Variants in NTN1 observed in about 807,000 individuals in gnomAD.
NTN1 encodes netrin 1.
Under a neutral mutation model 54.2 loss-of-function variants are expected in NTN1, and 11 were observed. The observed-to-expected ratio is 0.20, with a 90% CI of 0.13 to 0.34. NTN1 has a LOEUF of 0.34. Ranked by LOEUF, NTN1 falls within the 10% of genes least tolerant of loss-of-function variation. NTN1 has a pLI of 1.00. For synonymous variants in NTN1, 371 were observed against 382.0 expected, an observed-to-expected ratio of 0.97 and a Z score of 0.33; for missense variants, 740 against 893.1, an observed-to-expected ratio of 0.83 and a Z score of 2.18.
rs555948259 is a variant in NTN1 at position 9,087,602 on chromosome 17, A to G, written c.1018+64211A>G. Among the ~76,000 whole-genome samples the G allele has an allele frequency of 3.3e-5, 5 of 152,212 alleles. No homozygotes were observed. The East Asian group carries it at 9.7e-4, about 29-fold the overall frequency. ...TTTGGTGTAGGAGTTTGAAGCATTC[A>G]TTGCTCCCACATACCAGAGTCCTGG... On this transcript the variant is annotated intron_variant, in intron 2 of 6. Coordinates refer to ENST00000173229, the MANE Select transcript of NTN1 (RefSeq NM_004822.3).
chr17:9,171,883 CTTTTT>C (rs11429901), intron 3 of NTN1: 4 of 101,612 alleles, frequency 3.9e-5, no homozygotes, highest in South Asian at 3.8e-4. Flanking sequence ...ATCAGGCTCA[CTTTTT>C]TTTTTTTTTT....
At chr17:9,238,423 G>A (rs982598880) in intron 6 of NTN1, among the ~76,000 whole-genome samples, 8 of 152,126 alleles carry the variant, frequency 5.3e-5, no homozygotes, top group African/African-American at 1.7e-4. Flanking sequence ...AAGACAGTGC[G>A]GGGCAGGGGA....
At chr17:9,168,302 G>A (rs1419395890) in intron 3 of NTN1, among the ~76,000 whole-genome samples, 2 of 152,220 alleles carry the variant, frequency 1.3e-5, no homozygotes, top group Non-Finnish European at 2.9e-5. Context: ...GGAGGCCACG[G>A]CGGGCGGATT....
chr17:9,011,973 A>G, the NTN1 span, among the ~76,000 whole-genome samples: 1 of 152,144 alleles, frequency 6.6e-6, no homozygotes, highest in Non-Finnish European at 1.5e-5. Context: ...ATTAATTTGT[A>G]GTGCACTCCT....
intron 2 of NTN1, among the ~76,000 whole-genome samples, chr17:9,067,206 G>A (rs1368611840): frequency 2.6e-5 from 4 of 151,128 alleles, no homozygotes; most frequent in Non-Finnish European, 5.9e-5. Flanking sequence ...GGCGGAGGTT[G>A]CAGTGAGCCA....
chr17:9,216,383 G>T (rs1285421194), intron 5 of NTN1, among the ~76,000 whole-genome samples: 1 of 152,206 alleles, frequency 6.6e-6, no homozygotes, highest in Admixed American at 6.5e-5. Context: ...AGTTCATAGA[G>T]GCTTTGTCAT....
chr17:9,089,834 G>A (rs2092103885), intron 2 of NTN1, among the ~76,000 whole-genome samples: 1 of 152,120 alleles, frequency 6.6e-6, no homozygotes, highest in Non-Finnish European at 1.5e-5. Flanking sequence ...CCTGGCTCCT[G>A]CTACCGACCT....
rs572945223 is a variant in NTN1 at position 9,221,152 on chromosome 17, C to T, written c.1412-16C>T. ...TAATTAGTTTTTGTCTGTGCTCCCCCCCCACCCCCCTGCAGACTGCGATTC... is the reference window on the plus strand; with the variant it reads ...TAATTAGTTTTTGTCTGTGCTCCCCTCCCACCCCCCTGCAGACTGCGATTC... On this transcript the variant is annotated splice_polypyrimidine_tract_variant and intron_variant, in intron 5 of 6. Transcript: ENST00000173229. The surrounding 1 kb of genome is among the most constrained non-coding windows in gnomAD (Gnocchi z 4.5). 1.3e-6 allele frequency: 2 copies of T among 1,542,822 alleles called. No homozygotes were observed. Among genetic ancestry groups the T allele is most frequent in the Admixed American group, 1.7e-5 (1 of 59,070 alleles).
In NTN1 at chr17:9,219,317, T is replaced by G. The variant is rs892883519; in HGVS notation, c.1412-1851T>G. 6.6e-6 allele frequency among the ~76,000 whole-genome samples: 1 copy of G among 152,082 alleles called. No individual in the cohort carries two copies. Among genetic ancestry groups the G allele is most frequent in the African/African-American group, 2.4e-5 (1 of 41,402 alleles). ...TCCCTGCACCCCAAGAAATCCCTAC[T>G]CTAGTAACCAAGCTGCTATCCAGAT... is the stretch of plus-strand genomic sequence containing the variant. On this transcript the variant is annotated intron_variant, in intron 5 of 6. Coordinates refer to ENST00000173229, the MANE Select transcript of NTN1 (RefSeq NM_004822.3). This position sits in a 1 kb window ranked among gnomAD's most constrained non-coding sequence, Gnocchi z 4.5.
At chr17:9,195,367 TG>T (rs1904602137) in intron 5 of NTN1, among the ~76,000 whole-genome samples, 1 of 152,086 alleles carries the variant, frequency 6.6e-6, no homozygotes, top group Admixed American at 6.5e-5. Context: ...GAGGAGCAAG[TG>T]GGGGCGGAAT....
chr17:9,195,516 G>A (rs1001032159), intron 5 of NTN1, among the ~76,000 whole-genome samples: 2 of 152,126 alleles, frequency 1.3e-5, no homozygotes, highest in Non-Finnish European at 2.9e-5. Flanking sequence ...CTGTCACAGC[G>A]ACCTTGCTGG....
chr17:9,063,500 A>G (rs2092005365), intron 2 of NTN1, among the ~76,000 whole-genome samples: 1 of 152,122 alleles, frequency 6.6e-6, no homozygotes, highest in East Asian at 1.9e-4. Context: ...CATAATCCAA[A>G]AGTTCCACAT....
At chr17:9,146,505 T>C (rs902067707) in intron 2 of NTN1, among the ~76,000 whole-genome samples, 1 of 152,188 alleles carries the variant, frequency 6.6e-6, no homozygotes, top group African/African-American at 2.4e-5. Flanking sequence ...TATGCATACC[T>C]TGGTCCTCAG....
chr17:9,221,238 C>G lies in NTN1; in HGVS notation c.1482C>G (p.Asp494Glu). 1 of 1,609,856 alleles carries G rather than the reference C, an allele frequency of 6.2e-7. No homozygotes were observed. Among genetic ancestry groups the G allele is most frequent in the Non-Finnish European group, 8.5e-7 (1 of 1,178,224 alleles). ...ACATGAAAAAGTACTGCAAGAAGGACTATGGTGAGTGAGAGTCCCCTTGTC... is the reference window on the plus strand; with the variant it reads ...ACATGAAAAAGTACTGCAAGAAGGAGTATGGTGAGTGAGAGTCCCCTTGTC... ...KINMKKYCKK[D>E]YAVQIHILKA... Residue 494 changes from aspartate to glutamate, a missense_variant, in exon 6 of 7, where the codon GAC becomes GAG. Asp to Glu is a conservative substitution (Grantham distance 45). Transcript: ENST00000173229. The surrounding 1 kb of genome is among the most constrained non-coding windows in gnomAD (Gnocchi z 4.5).
intron 6 of NTN1, among the ~76,000 whole-genome samples, chr17:9,235,473 T>TA (rs36100842): frequency 0.61 from 93,243 of 152,004 alleles, 30,887 homozygotes; most frequent in Non-Finnish European, 0.76. Flanking sequence ...GGGCCGAGGC[T>TA]AATTAGCTTG....
At chr17:9,204,176 GTTCCTTCCTTCCTTCCCTCCTTCC>G (rs1275014146) in intron 5 of NTN1, among the ~76,000 whole-genome samples, 3 of 117,420 alleles carry the variant, frequency 2.6e-5, no homozygotes, top group Non-Finnish European at 5.0e-5. Context: ...CTTAGTAACC[GTTCCTTCCTTCCTTCCCTCCTTCC>G]TTCCTTCCTT....
intron 2 of NTN1, among the ~76,000 whole-genome samples, chr17:9,065,593 G>A (rs746446805): frequency 3.3e-5 from 5 of 152,202 alleles, no homozygotes; most frequent in Admixed American, 6.5e-5. Context: ...ATTGAACTGT[G>A]AACGCCACCA....
chr17:9,142,959 T>A (rs995176457), intron 2 of NTN1, among the ~76,000 whole-genome samples: 1 of 152,178 alleles, frequency 6.6e-6, no homozygotes, highest in East Asian at 1.9e-4. Flanking sequence ...TAAAAGGTAA[T>A]GTGCAGTGAA....
rs1040537375 is a variant in NTN1, at chr17:9,060,142, G to A, written c.1018+36751G>A. 4.6e-5 allele frequency among the ~76,000 whole-genome samples: 7 copies of A among 152,042 alleles called. No homozygotes were observed. The East Asian group carries it at 9.6e-4, about 21-fold the overall frequency. On this transcript the variant is annotated intron_variant, in intron 2 of 6. Transcript: ENST00000173229. ...GAACGTTGAGGATCCATTTATACAT[G>A]GATTTTCTTCCTCCTCTGCTACCCC...
Sources: gnomAD v4.1 joint callset for allele counts (sites outside exome capture counted in the v4.1 genomes callset) on GRCh38, gnomAD v4.1.1 for gene constraint, Gnocchi (gnomAD v3.1) non-coding constraint, MANE v1.5 for transcripts, NCBI Gene and HGNC (gene_info 2026-07-23, HGNC 2026-07-21) for gene names.